ZEB2: variants seen among roughly 807,000 people sequenced by gnomAD.
The protein encoded by ZEB2 is zinc finger E-box binding homeobox 2.
Under a neutral mutation model 99.9 loss-of-function variants are expected in ZEB2, and 6 were observed. That is an observed-to-expected ratio of 0.06 (90% CI 0.03 to 0.12). ZEB2 has a LOEUF of 0.12. Ranked by LOEUF, ZEB2 falls within the 10% of genes least tolerant of loss-of-function variation. ZEB2 has a pLI of 1.00. For missense variants in ZEB2, 969 were observed against 1,502.8 expected (o/e 0.64, Z 5.87); for synonymous variants, 517 against 542.5 (o/e 0.95, Z 0.65).
chr2:144,461,111 T>TTA (rs397828994), intron 2 of ZEB2: 41 of 150,960 alleles, frequency 2.7e-4, no homozygotes, highest in African/African-American at 7.8e-4. Flanking sequence ...TTTTTTTTTT[T>TTA]ATCACACTCC....
At chr2:144,484,185 TTGTGTGTGTG>T (rs10529605) in intron 2 of ZEB2, among the ~76,000 whole-genome samples, 13 of 142,526 alleles carry the variant, frequency 9.1e-5, no homozygotes, top group African/African-American at 3.4e-4. Flanking sequence ...AAATCTGGAT[TTGTGTGTGTG>T]TGTGTGTGTG....
chr2:144,493,578 T>A (rs908613061), intron 2 of ZEB2, among the ~76,000 whole-genome samples: 7 of 152,182 alleles, frequency 4.6e-5, no homozygotes, highest in Admixed American at 2.6e-4. Context: ...GCTCCATTTG[T>A]TACAAGTGAA....
intron 2 of ZEB2, among the ~76,000 whole-genome samples, chr2:144,431,263 A>G (rs1703766450): frequency 6.6e-6 from 1 of 152,228 alleles, no homozygotes. Flanking sequence ...GAAAAAAATG[A>G]AAAGGATTGT....
intron 9 of ZEB2, among the ~76,000 whole-genome samples, chr2:144,393,254 A>C (rs1703175364): frequency 6.6e-6 from 1 of 152,194 alleles, no homozygotes; most frequent in African/African-American, 2.4e-5. Context: ...GCAAGCAATA[A>C]GCCATTGGTA....
chr2:144,396,758 T>C (rs1703235331), intron 8 of ZEB2, among the ~76,000 whole-genome samples, 166 bp from the exon 9 acceptor site: 1 of 152,186 alleles, frequency 6.6e-6, no homozygotes, highest in African/African-American at 2.4e-5. Flanking sequence ...ATATGCAGTA[T>C]ATGCAACAAT....
In ZEB2 at chr2:144,400,052, G is replaced by A; in HGVS notation, c.1135C>T (p.Leu379Phe). ...AAGCCTGTCTGTTCAGACATACTAA[G>A]TGGTTTTCCATTCTCCAACTTGTTT... ...LRNKLENGKP[L>F]SMSEQTGLLK... Residue 379 changes from leucine to phenylalanine, a missense_variant, in exon 8 of 10, where the codon CTT (leucine) becomes TTT (phenylalanine). By Grantham distance (22) the Leu-to-Phe change is conservative (BLOSUM62 0). Around this residue, in one of 8 missense-constraint regions of ZEB2, gnomAD observed 227 missense variants for 278.2 expected, o/e 0.82. Coordinates refer to ENST00000627532, the MANE Select transcript of ZEB2 (RefSeq NM_014795.4). 6.2e-7 allele frequency: 1 copy of A among 1,613,806 alleles called. No homozygotes were observed. Among genetic ancestry groups the A allele is most frequent in the Non-Finnish European group, 8.5e-7 (1 of 1,179,686 alleles).
intron 2 of ZEB2, among the ~76,000 whole-genome samples, chr2:144,515,300 T>C (rs1030844876): frequency 5.3e-5 from 8 of 151,686 alleles, no homozygotes; most frequent in Non-Finnish European, 1.2e-4. Flanking sequence ...TAGATACTTG[T>C]AAGAGGGGGA....
chr2:144,477,474 T>A, intron 2 of ZEB2, among the ~76,000 whole-genome samples: 1 of 152,196 alleles, frequency 6.6e-6, no homozygotes, highest in East Asian at 1.9e-4. Context: ...CAGCACATCA[T>A]AAAATTCCTA....
intron 1 of ZEB2, 180 bp downstream of exon 1, chr2:144,519,759 A>G (rs1705235682): frequency 2.9e-6 from 1 of 349,544 alleles, no homozygotes; most frequent in South Asian, 2.2e-5. Flanking sequence ...CGAAGAAGCC[A>G]CTCTTGAGAA....
chr2:144,472,216 C>T (rs1482086589), intron 2 of ZEB2, among the ~76,000 whole-genome samples: 1 of 150,922 alleles, frequency 6.6e-6, no homozygotes, highest in Non-Finnish European at 1.5e-5. Context: ...TCATCATCAT[C>T]ATCATCATAT....
At chr2:144,488,670 A>AGTGTGTGTGTGTGTGAGT (rs141698487) in intron 2 of ZEB2, among the ~76,000 whole-genome samples, 11 of 148,132 alleles carry the variant, frequency 7.4e-5, no homozygotes, top group Non-Finnish European at 1.3e-4. Flanking sequence ...CTCGTGTGTG[A>AGTGTGTGTGTGTGTGAGT]GTGTGTGTGT....
intron 2 of ZEB2, chr2:144,445,003 A>T (rs1703963860): frequency 6.6e-6 from 1 of 152,188 alleles, no homozygotes; most frequent in African/African-American, 2.4e-5. Flanking sequence ...CCAAAATCTC[A>T]GGCAAGACCA....
chr2:144,453,755 T>TGG (rs1704084421), intron 2 of ZEB2, among the ~76,000 whole-genome samples: 2 of 152,276 alleles, frequency 1.3e-5, no homozygotes, highest in Middle Eastern at 3.4e-3. Context: ...TGTGGAACTC[T>TGG]AAGTTGACAT....
intron 4 of ZEB2, among the ~76,000 whole-genome samples, chr2:144,406,732 T>C (rs1252573813): frequency 2.0e-5 from 3 of 152,140 alleles, no homozygotes; most frequent in African/African-American, 7.2e-5. Flanking sequence ...TATTGAAGAG[T>C]ATTAAGCAAG....
chr2:144,517,952 TC>T, intron 1 of ZEB2: 1 of 357,154 alleles, frequency 2.8e-6, no homozygotes, highest in Non-Finnish European at 5.1e-6. Flanking sequence ...CAGCGCCCCC[TC>T]CCCTCCCCTT....
At chr2:144,395,495 G>T (rs948214610) in intron 9 of ZEB2, among the ~76,000 whole-genome samples, 9 of 151,818 alleles carry the variant, frequency 5.9e-5, no homozygotes, top group East Asian at 1.9e-4. Flanking sequence ...TTTTGACTGA[G>T]ATCCTACACT....
chr2:144,398,221 G>GT, intron 8 of ZEB2, 80 bp downstream of exon 8: 1 of 1,559,940 alleles, frequency 6.4e-7, no homozygotes. Flanking sequence ...TTTTCACTAA[G>GT]ATTTTTTTTT....
At chr2:144,392,108 T>C (rs893735460) in intron 9 of ZEB2, among the ~76,000 whole-genome samples, 2 of 152,180 alleles carry the variant, frequency 1.3e-5, no homozygotes, top group African/African-American at 4.8e-5. Context: ...TACATGGAAG[T>C]AATAAATCTG....
At chr2:144,486,745 T>C (rs530819729) in intron 2 of ZEB2, among the ~76,000 whole-genome samples, 5 of 152,306 alleles carry the variant, frequency 3.3e-5, no homozygotes, top group South Asian at 4.1e-4. Context: ...TTACACTTGT[T>C]TACAAAGAGC....
Sources: allele counts gnomAD v4.1 joint callset (sites outside exome capture counted in the v4.1 genomes callset), GRCh38; gene constraint gnomAD v4.1.1; regional missense constraint gnomAD v4.1.1; transcripts MANE v1.5; gene names NCBI Gene and HGNC (gene_info 2026-07-23, HGNC 2026-07-21).